Variants in ITPR1 observed in about 807,000 individuals in gnomAD.
The protein encoded by ITPR1 is inositol 1,4,5-trisphosphate receptor type 1.
ITPR1 carries 96 observed loss-of-function variants against 318.4 expected under a neutral mutation model. The observed-to-expected ratio is 0.30, with a 90% confidence interval of 0.26 to 0.36. The LOEUF (loss-of-function observed/expected upper bound fraction) is 0.36. Among genes scored for constraint, ITPR1 ranks in the 10% least tolerant of loss-of-function variants. The pLI is 1.00. For synonymous variants in ITPR1, 1,312 were observed against 1,289.9 expected (o/e 1.02, Z -0.37); for missense variants, 2,440 against 3,460.2 (o/e 0.71, Z 7.40).
chr3:4,804,069 A>T (rs2048405299), intron 54 of ITPR1, among the ~76,000 whole-genome samples: 1 of 152,140 alleles, frequency 6.6e-6, no homozygotes, highest in South Asian at 2.1e-4. Context: ...ACGAGGTTTC[A>T]CCGTGTTGCC....
intron 4 of ITPR1, among the ~76,000 whole-genome samples, chr3:4,549,650 G>C (rs2085362085): frequency 6.6e-6 from 1 of 152,006 alleles, no homozygotes. Context: ...CTGAAAAGTG[G>C]GGCTGCCGTC....
intron 52 of ITPR1, among the ~76,000 whole-genome samples, chr3:4,793,697 C>T (rs970434271): frequency 4.6e-5 from 7 of 152,142 alleles, no homozygotes; most frequent in East Asian, 3.8e-4. Flanking sequence ...TTATCCCTGC[C>T]GCTGACCCCA....
chr3:4,667,262 A>T (rs1202097792), intron 17 of ITPR1, 115 bp from the exon 18 acceptor site: 2 of 724,166 alleles, frequency 2.8e-6, no homozygotes, highest in Admixed American at 3.2e-5. Flanking sequence ...TTATACTGTA[A>T]TGTCTCTTAG....
chr3:4,641,889 T>C (rs929807636), intron 6 of ITPR1, among the ~76,000 whole-genome samples: 1 of 152,234 alleles, frequency 6.6e-6, no homozygotes, highest in African/African-American at 2.4e-5. Context: ...TAGTTTTTCT[T>C]GTATTCTGCC....
rs2049418970 is a variant in ITPR1 at position 4,817,974 on chromosome 3, G to A, written c.7868-108G>A. The A allele has an allele frequency of 4.9e-6, 4 of 823,210 alleles. No individual in the cohort carries two copies. In the East Asian group the frequency reaches 1.1e-4, roughly 23 times the overall value. The allele number at this position is 823,210 out of a possible 1,614,324, so 51.0% of individuals were successfully genotyped here. ...CCGACAGAATCCAACTCTTTATAAAGACAGGAGTGAAACCACAGCCCCCTT... is the reference window on the plus strand; with the variant it reads ...CCGACAGAATCCAACTCTTTATAAAAACAGGAGTGAAACCACAGCCCCCTT... On this transcript the variant is annotated intron_variant, in intron 59 of 61. Transcript: ENST00000649015.
At chr3:4,542,653 T>C (rs1251685005) in intron 4 of ITPR1, among the ~76,000 whole-genome samples, 3 of 142,040 alleles carry the variant, frequency 2.1e-5, no homozygotes, top group Non-Finnish European at 4.6e-5. Flanking sequence ...TGTTCACCAT[T>C]GCATTGAAGC....
chr3:4,562,033 G>GTGGAGTCTCCCCTTC (rs1559451138), intron 4 of ITPR1, among the ~76,000 whole-genome samples: 1 of 151,778 alleles, frequency 6.6e-6, no homozygotes, highest in East Asian at 1.9e-4. Context: ...AGAAGAATTA[G>GTGGAGTCTCCCCTTC]AAGAAGAATT....
chr3:4,844,052 T>TGAAA (rs2051569377), intron 61 of ITPR1, among the ~76,000 whole-genome samples: 1 of 152,022 alleles, frequency 6.6e-6, no homozygotes, highest in African/African-American at 2.4e-5. Context: ...AACTTTGAGT[T>TGAAA]GAAAGATTTC....
Position 4,644,240 on chromosome 3 carries a change from G to A in ITPR1, c.624+6G>A. ...ATAACCCAGGCTGCAATGAGGTAAG[G>A]ACATTGAGTTATGTGTGTGGGTGTG... On this transcript the variant is annotated splice_donor_region_variant and intron_variant, in intron 8 of 61. Transcript: ENST00000649015. 6.3e-7 allele frequency: 1 copy of A among 1,587,446 alleles called. No individual in the cohort carries two copies. The highest frequency in any genetic ancestry group is 8.6e-7 in the Non-Finnish European group (1 of 1,161,926).
intron 4 of ITPR1, among the ~76,000 whole-genome samples, chr3:4,596,518 G>A (rs1338837933): frequency 6.6e-6 from 1 of 152,172 alleles, no homozygotes; most frequent in African/African-American, 2.4e-5. Context: ...TGTTTCAAAA[G>A]GCTTAGCAAC....
chr3:4,593,512 C>T (rs1353059934), intron 4 of ITPR1, among the ~76,000 whole-genome samples: 2 of 152,276 alleles, frequency 1.3e-5, no homozygotes, highest in Non-Finnish European at 2.9e-5. Context: ...AAAATTACAA[C>T]GTGAACACAA....
chr3:4,627,645 A>C (rs2092879230), intron 4 of ITPR1, 118 bp from the exon 5 acceptor site: 1 of 641,164 alleles, frequency 1.6e-6, no homozygotes, highest in Non-Finnish European at 2.8e-6. Context: ...CTCTCATTTT[A>C]TATCTATGTA....
intron 37 of ITPR1, among the ~76,000 whole-genome samples, chr3:4,709,026 A>G (rs532414953): frequency 1.3e-5 from 2 of 152,246 alleles, no homozygotes; most frequent in Non-Finnish European, 2.9e-5. Context: ...ATTTCATGAA[A>G]TACATGAACA....
chr3:4,799,852 C>G (rs1198769294), intron 53 of ITPR1: 2 of 152,306 alleles, frequency 1.3e-5, no homozygotes, highest in African/African-American at 2.4e-5. Context: ...TTGGAGAAAT[C>G]TGATTCAGGC....
chr3:4,752,990 C>G (rs2044658754), intron 44 of ITPR1, among the ~76,000 whole-genome samples: 1 of 152,186 alleles, frequency 6.6e-6, no homozygotes, highest in Admixed American at 6.5e-5. Context: ...GATGGGGAAG[C>G]AAACAGGCGC....
At chr3:4,596,263 C>T (rs976427778) in intron 4 of ITPR1, 1 of 152,140 alleles carries the variant, frequency 6.6e-6, no homozygotes, top group African/African-American at 2.4e-5. Flanking sequence ...AACGGTCTGA[C>T]TTTATGGTAA....
chr3:4,602,584 C>T (rs889494029), intron 4 of ITPR1, among the ~76,000 whole-genome samples: 5 of 149,626 alleles, frequency 3.3e-5, no homozygotes, highest in East Asian at 2.0e-4. Context: ...CATTATTCAT[C>T]GTAGCTAAAA....
chr3:4,507,155 C>T (rs567537268), intron 2 of ITPR1, among the ~76,000 whole-genome samples: 78 of 150,608 alleles, frequency 5.2e-4, no homozygotes, highest in Non-Finnish European at 8.4e-4. Context: ...AGAACATAGC[C>T]GGATTCACAG....
chr3:4,624,539 AGCAC>A (rs2092755039), intron 4 of ITPR1, among the ~76,000 whole-genome samples: 1 of 151,706 alleles, frequency 6.6e-6, no homozygotes, highest in African/African-American at 2.4e-5. Flanking sequence ...CATGGTGGTG[AGCAC>A]CTGTAATTCC....
Sources: gnomAD v4.1 joint callset for allele counts (sites outside exome capture counted in the v4.1 genomes callset) on GRCh38, gnomAD v4.1.1 for gene constraint, MANE v1.5 for transcripts, NCBI Gene and HGNC (gene_info 2026-07-23, HGNC 2026-07-21) for gene names.